The following STK32B variants were observed in gnomAD, a reference collection of about 807,000 sequenced individuals.
STK32B encodes the protein serine/threonine-protein kinase 32B.
STK32B carries 43 observed loss-of-function variants against 52.6 expected under a neutral mutation model. That is an observed-to-expected ratio of 0.82 (90% CI 0.64 to 1.05). The LOEUF is 1.05. STK32B is among the 50% of genes least tolerant of loss of function. The pLI, the probability that STK32B is intolerant of heterozygous loss-of-function variation, is 0.00. For missense variants in STK32B, 621 were observed against 534.6 expected (o/e 1.16, Z -1.59); for synonymous variants, 238 against 204.3 (o/e 1.17, Z -1.41).
intron 3 of STK32B, among the ~76,000 whole-genome samples, chr4:5,210,734 C>T (rs898947706): frequency 6.6e-6 from 1 of 151,688 alleles, no homozygotes; most frequent in Non-Finnish European, 1.5e-5. Context: ...GGAACACTTA[C>T]AGTATAGTTG....
chr4:5,336,822 A>C (rs1276532507), intron 4 of STK32B, among the ~76,000 whole-genome samples: 1 of 152,240 alleles, frequency 6.6e-6, no homozygotes, highest in East Asian at 1.9e-4. Context: ...CCTGAAATAC[A>C]TGATTTTCTA....
chr4:5,486,803 A>C (rs1719258249), intron 11 of STK32B, among the ~76,000 whole-genome samples: 1 of 152,236 alleles, frequency 6.6e-6, no homozygotes. Context: ...CATACATTGC[A>C]GATTGGCTGG....
chr4:5,399,516 C>T lies in STK32B; in HGVS notation c.472+1272C>T, dbSNP rs1737153058. ...GCAGTAGGATTGAACTCACTGTGCT[C>T]CTGAATGGAAGGTCAGCAGCAGCCC... is the stretch of plus-strand genomic sequence containing the variant. On this transcript the variant is annotated intron_variant, in intron 5 of 11. Coordinates refer to ENST00000282908, the MANE Select transcript of STK32B (RefSeq NM_018401.3). The surrounding 1 kb of genome is among the most constrained non-coding windows in gnomAD (Gnocchi z 5.4). 6.6e-6 allele frequency among the ~76,000 whole-genome samples: 1 copy of T among 152,158 alleles called. No homozygotes were observed. The highest frequency in any genetic ancestry group is 1.5e-5 in the Non-Finnish European group (1 of 68,032).
chr4:5,234,298 T>G (rs1724479030), intron 3 of STK32B, among the ~76,000 whole-genome samples: 1 of 152,208 alleles, frequency 6.6e-6, no homozygotes, highest in Non-Finnish European at 1.5e-5. Flanking sequence ...GAATAATAAT[T>G]ATGTCTGAAA....
chr4:5,248,846 G>C (rs1476625760), intron 3 of STK32B, among the ~76,000 whole-genome samples: 1 of 151,474 alleles, frequency 6.6e-6, no homozygotes, highest in Non-Finnish European at 1.5e-5. Flanking sequence ...AACACCGCCT[G>C]TTCTCACTCA....
intron 4 of STK32B, among the ~76,000 whole-genome samples, chr4:5,379,766 A>T (rs1288767461): frequency 6.6e-6 from 1 of 152,146 alleles, no homozygotes; most frequent in Non-Finnish European, 1.5e-5. Flanking sequence ...CTCAGAAGGA[A>T]CCAACCCTGC....
chr4:5,435,035 G>A (rs960562917), intron 6 of STK32B, among the ~76,000 whole-genome samples: 1 of 152,064 alleles, frequency 6.6e-6, no homozygotes, highest in Admixed American at 6.5e-5. Flanking sequence ...CTTCATCCAT[G>A]GCCTATGGTG....
At chr4:5,128,143 C>G (rs1223889482) in intron 1 of STK32B, among the ~76,000 whole-genome samples, 1 of 152,190 alleles carries the variant, frequency 6.6e-6, no homozygotes, top group Non-Finnish European at 1.5e-5. Flanking sequence ...AGGACAGATC[C>G]TCCCCTAGCA....
intron 1 of STK32B, among the ~76,000 whole-genome samples, chr4:5,128,740 T>C (rs1009017162): frequency 3.9e-5 from 6 of 152,236 alleles, no homozygotes; most frequent in African/African-American, 1.4e-4. Context: ...GATCGGCTAC[T>C]GGCCCTGGCC....
intron 4 of STK32B, among the ~76,000 whole-genome samples, chr4:5,385,610 C>T (rs1447807112): frequency 1.3e-5 from 2 of 152,054 alleles, no homozygotes; most frequent in Non-Finnish European, 2.9e-5. Context: ...TGACCACACT[C>T]CTCCCAGGGC....
chr4:5,494,957 A>C lies in STK32B; in HGVS notation c.1107-3988A>C, dbSNP rs1337692118. ...TGCCTAGCGATCAGCTGTTAGTCTGATGGGCTTCCCTTTGTGGGTAACCCG... is the reference window on the plus strand; with the variant it reads ...TGCCTAGCGATCAGCTGTTAGTCTGCTGGGCTTCCCTTTGTGGGTAACCCG... On this transcript the variant is annotated intron_variant, in intron 11 of 11. Coordinates refer to ENST00000282908, the MANE Select transcript of STK32B (RefSeq NM_018401.3). Among the ~76,000 whole-genome samples the C allele has an allele frequency of 2.0e-5, 3 of 152,258 alleles. No homozygotes were observed. The East Asian group carries it at 5.8e-4, about 29-fold the overall frequency.
At chr4:5,090,232 A>G (rs536261368) in intron 1 of STK32B, among the ~76,000 whole-genome samples, 1 of 151,984 alleles carries the variant, frequency 6.6e-6, no homozygotes, top group South Asian at 2.1e-4. Flanking sequence ...CCATTTGTCA[A>G]TTTTGGCTTT....
intron 3 of STK32B, among the ~76,000 whole-genome samples, chr4:5,330,599 G>A (rs748837411): frequency 1.1e-4 from 17 of 152,164 alleles, no homozygotes; most frequent in African/African-American, 1.9e-4. Context: ...TAGCTCACTC[G>A]CATGGCAGGC....
At chr4:5,187,153 G>C (rs1256970100) in intron 3 of STK32B, among the ~76,000 whole-genome samples, 1 of 152,192 alleles carries the variant, frequency 6.6e-6, no homozygotes, top group African/African-American at 2.4e-5. Flanking sequence ...GGTTTACCCA[G>C]GGTCACGTGG....
At chr4:5,230,631 G>A (rs1205361491) in intron 3 of STK32B, among the ~76,000 whole-genome samples, 2 of 152,172 alleles carry the variant, frequency 1.3e-5, no homozygotes, top group Non-Finnish European at 2.9e-5. Flanking sequence ...ACCCTGGAAA[G>A]GTCTGGGACA....
At chr4:5,266,677 T>G (rs1480270083) in intron 3 of STK32B, among the ~76,000 whole-genome samples, 2 of 152,218 alleles carry the variant, frequency 1.3e-5, no homozygotes. Flanking sequence ...TTAGCTTGGC[T>G]TGCTTAAAGG....
intron 4 of STK32B, among the ~76,000 whole-genome samples, chr4:5,373,263 T>A (rs550207809): frequency 3.3e-5 from 5 of 152,160 alleles, no homozygotes; most frequent in Middle Eastern, 3.4e-3. Context: ...CATGAGGAAT[T>A]GGCTCAGATG....
rs529983474 is a variant in STK32B, at chr4:5,245,057, G to T, written c.260+76607G>T. Among the ~76,000 whole-genome samples the T allele has an allele frequency of 9.8e-5, 15 of 152,292 alleles. No individual in the cohort carries two copies. The East Asian group carries it at 2.7e-3, about 27-fold the overall frequency. ...AAAGAATGTGTATTCTGTTGATTTG[G>T]GGTGGAGAGTTCTGTAGATGTCTAT... is the stretch of plus-strand genomic sequence containing the variant. On this transcript the variant is annotated intron_variant, in intron 3 of 11. Coordinates refer to ENST00000282908, the MANE Select transcript of STK32B (RefSeq NM_018401.3).
intron 11 of STK32B, among the ~76,000 whole-genome samples, chr4:5,490,163 G>A (rs745669418): frequency 6.6e-6 from 1 of 151,276 alleles, no homozygotes; most frequent in Non-Finnish European, 1.5e-5. Context: ...CTGGAGTGCA[G>A]TGGCATGATC....
Sources: gnomAD v4.1 joint callset for allele counts (sites outside exome capture counted in the v4.1 genomes callset) on GRCh38, gnomAD v4.1.1 for gene constraint, Gnocchi (gnomAD v3.1) non-coding constraint, MANE v1.5 for transcripts, NCBI Gene and HGNC (gene_info 2026-07-23, HGNC 2026-07-21) for gene names.